The following TRPC6 variants were observed in gnomAD, a reference collection of about 807,000 sequenced individuals.
TRPC6 encodes the protein short transient receptor potential channel 6.
Under a neutral mutation model 90.7 loss-of-function variants are expected in TRPC6, and 55 were observed. That is an observed-to-expected ratio of 0.61 (90% confidence interval 0.49 to 0.76). The LOEUF (loss-of-function observed/expected upper bound fraction) is 0.76, where lower values mean the gene tolerates loss of function less well. TRPC6 is among the 30% of genes least tolerant of loss of function. TRPC6 has a pLI of 0.00. For missense variants in TRPC6, 989 were observed against 1,122.7 expected, an observed-to-expected ratio of 0.88 and a Z score of 1.70; for synonymous variants, 393 against 393.0, an observed-to-expected ratio of 1.00 and a Z score of 0.00.
intron 1 of TRPC6, among the ~76,000 whole-genome samples, chr11:101,511,563 G>A (rs1354408486): frequency 1.3e-5 from 2 of 152,122 alleles, no homozygotes; most frequent in Non-Finnish European, 2.9e-5. Context: ...GTGTTCTAGT[G>A]TAAATATAAT....
At chr11:101,512,503 C>T (rs1224307184) in intron 1 of TRPC6, among the ~76,000 whole-genome samples, 1 of 152,158 alleles carries the variant, frequency 6.6e-6, no homozygotes, top group East Asian at 1.9e-4. Context: ...TATAAAACAA[C>T]ATCTGACATG....
chr11:101,476,579 C>G (rs1859422633), intron 5 of TRPC6, 45 bp from the exon 6 acceptor site: 1 of 1,519,898 alleles, frequency 6.6e-7, no homozygotes, highest in Non-Finnish European at 9.1e-7. Flanking sequence ...CGCATTCAGC[C>G]TTAGCTGTTC....
Position 101,525,394 on chromosome 11 carries a change from G to A in TRPC6, c.171-20596C>T, listed in dbSNP as rs140117328. The stretch of plus-strand genomic sequence containing the variant: ...AAGTAGGAGAAATTTAAAAATAACC[G>A]ACAGCAAAGATGCTTAGTCTTAGAA... On this transcript the variant is annotated intron_variant, in intron 1 of 12. Coordinates refer to ENST00000344327, the MANE Select transcript of TRPC6 (RefSeq NM_004621.6). 3.4e-3 allele frequency among the ~76,000 whole-genome samples: 511 copies of A among 152,282 alleles called. 3 individuals are homozygous for A. Among genetic ancestry groups the A allele is most frequent in the Middle Eastern group, 0.017 (5 of 294 alleles).
intron 1 of TRPC6, among the ~76,000 whole-genome samples, chr11:101,540,876 G>C (rs1861152821): frequency 6.6e-6 from 1 of 152,030 alleles, no homozygotes; most frequent in African/African-American, 2.4e-5. Context: ...AGGCACGCAG[G>C]AATCGTGAGG....
At chr11:101,583,136 AC>A in intron 1 of TRPC6, 197 bp downstream of exon 1, 1 of 981,288 alleles carries the variant, frequency 1.0e-6, no homozygotes, top group Non-Finnish European at 1.2e-6. Flanking sequence ...AACCTAGACA[AC>A]CCCGCCTCCC....
chr11:101,462,749 TACAA>T (rs377360259), intron 10 of TRPC6, among the ~76,000 whole-genome samples: 151 of 152,336 alleles, frequency 9.9e-4, no homozygotes, highest in African/African-American at 3.4e-3. Context: ...TCATGTCATC[TACAA>T]ACAGAGATAA....
intron 5 of TRPC6, among the ~76,000 whole-genome samples, chr11:101,479,315 G>A (rs141878907): frequency 4.3e-4 from 65 of 152,314 alleles, no homozygotes; most frequent in African/African-American, 1.4e-3. Context: ...CAGACTGGCC[G>A]TTAAGTGACA....
chr11:101,470,779 G>GCTAT lies in TRPC6; in HGVS notation c.2409+400_2409+403dup, dbSNP rs1310575521. Among the ~76,000 whole-genome samples, 5 of 148,008 alleles carry GCTAT rather than the reference G, an allele frequency of 3.4e-5. No individual in the cohort carries two copies. In the Admixed American group the frequency reaches 3.4e-4, roughly 10 times the overall value. On this transcript the variant is annotated intron_variant, in intron 9 of 12. Coordinates refer to ENST00000344327, the MANE Select transcript of TRPC6 (RefSeq NM_004621.6). Reference sequence around the variant, plus strand: ...GATTTCTGAACTTTTCAATGTAGAAGCTATCTAAGAGTTAATCAAGTTGCC... The same window carrying GCTAT: ...GATTTCTGAACTTTTCAATGTAGAAGCTATCTATCTAAGAGTTAATCAAGTTGCC...
intron 2 of TRPC6, among the ~76,000 whole-genome samples, chr11:101,498,880 C>A (rs1860020112): frequency 6.6e-6 from 1 of 151,304 alleles, no homozygotes; most frequent in Non-Finnish European, 1.5e-5. Context: ...AACAGAGAGT[C>A]CCCCTTTTAC....
chr11:101,577,688 C>G (rs1180241703), intron 1 of TRPC6, among the ~76,000 whole-genome samples: 1 of 152,064 alleles, frequency 6.6e-6, no homozygotes, highest in African/African-American at 2.4e-5. Flanking sequence ...TGGGGCCAGG[C>G]AAGGGTCAAT....
intron 10 of TRPC6, among the ~76,000 whole-genome samples, chr11:101,465,646 A>G (rs562209649): frequency 6.6e-6 from 1 of 152,164 alleles, no homozygotes; most frequent in East Asian, 1.9e-4. Context: ...ATCAGGTCAT[A>G]TATGTTCTTC....
intron 4 of TRPC6, 95 bp from the exon 5 acceptor site, chr11:101,483,260 C>T: frequency 8.3e-7 from 1 of 1,204,354 alleles, no homozygotes; most frequent in Non-Finnish European, 1.2e-6. Flanking sequence ...TCTGCACATT[C>T]CAATGATCTC....
intron 1 of TRPC6, among the ~76,000 whole-genome samples, chr11:101,527,930 G>T (rs1591112548): frequency 6.6e-6 from 1 of 151,978 alleles, no homozygotes; most frequent in African/African-American, 2.4e-5. Flanking sequence ...AAAATTAGCT[G>T]GGCATAGTGA....
intron 1 of TRPC6, among the ~76,000 whole-genome samples, chr11:101,567,386 C>A (rs1387359423): frequency 1.3e-5 from 2 of 151,254 alleles, no homozygotes; most frequent in African/African-American, 4.9e-5. Context: ...AACTTAGAAA[C>A]CCCCACTCCC....
At position 101,453,012 on chromosome 11, in the gene TRPC6, A is replaced by G. The variant is rs756864306; in HGVS notation, c.2739T>C (p.Ile913=). ...TGGATAATTTCTCTCCAAGTTCTCT[A>G]ATAAGTTCTGCTAGGTCTTCTGTAT... ...SQNTEDLAEL[I]RELGEKLSME... The change falls in exon 13 of 13, where the codon ATT becomes ATC. Residue 913 remains isoleucine, a synonymous_variant. Coordinates refer to ENST00000344327, the MANE Select transcript of TRPC6 (RefSeq NM_004621.6). 3.1e-6 allele frequency: 5 copies of G among 1,613,962 alleles called. No homozygotes were observed. Among genetic ancestry groups the G allele is most frequent in the South Asian group, 1.1e-5 (1 of 91,078 alleles).
chr11:101,533,381 G>A (rs1860956981), intron 1 of TRPC6, among the ~76,000 whole-genome samples: 1 of 152,096 alleles, frequency 6.6e-6, no homozygotes, highest in African/African-American at 2.4e-5. Context: ...TTGCAGAGAA[G>A]GGGGAAGCGG....
chr11:101,514,487 G>GT (rs1327445008), intron 1 of TRPC6, among the ~76,000 whole-genome samples: 1 of 152,154 alleles, frequency 6.6e-6, no homozygotes, highest in Non-Finnish European at 1.5e-5. Flanking sequence ...GAAAATCACA[G>GT]TTGTTTAAGT....
intron 1 of TRPC6, among the ~76,000 whole-genome samples, chr11:101,532,131 T>A (rs1326695454): frequency 6.6e-6 from 1 of 152,236 alleles, no homozygotes; most frequent in Non-Finnish European, 1.5e-5. Flanking sequence ...ATCCTGAAGC[T>A]AAGTAACTCA....
chr11:101,465,912 A>T (rs2136658712), intron 10 of TRPC6, among the ~76,000 whole-genome samples: 1 of 152,066 alleles, frequency 6.6e-6, no homozygotes, highest in Non-Finnish European at 1.5e-5. Context: ...CTGGTTTCTC[A>T]CCATCTTGTT....
Sources: gnomAD v4.1 joint callset for allele counts (sites outside exome capture counted in the v4.1 genomes callset) on GRCh38, gnomAD v4.1.1 for gene constraint, MANE v1.5 for transcripts, NCBI Gene and HGNC (gene_info 2026-07-23, HGNC 2026-07-21) for gene names.